Variants in ALMS1 observed in about 807,000 individuals in gnomAD.
The protein encoded by ALMS1 is ALMS1 centrosome and basal body associated protein, also known as centrosome-associated protein ALMS1.
In ALMS1, 271 loss-of-function variants were observed where a neutral mutation model predicts 352.2. The ratio of observed to expected loss-of-function variants is 0.77; its 90% CI spans 0.70 to 0.85. ALMS1 has a LOEUF of 0.85. Among genes scored for constraint, ALMS1 ranks in the 40% least tolerant of loss-of-function variants. The pLI is 0.00. For synonymous variants in ALMS1, 1,865 were observed against 1,761.2 expected (o/e 1.06, Z -1.48); for missense variants, 5,445 against 4,870.7 (o/e 1.12, Z -3.51).
At chr2:73,430,337 G>A (rs1025957408) in intron 6 of ALMS1, among the ~76,000 whole-genome samples, 14 of 152,046 alleles carry the variant, frequency 9.2e-5, no homozygotes, top group African/African-American at 1.9e-4. Context: ...CGGCCTCCCA[G>A]AGTGCTGGGA....
At chr2:73,514,870 G>A (rs190639440) in intron 10 of ALMS1, among the ~76,000 whole-genome samples, 17 of 152,228 alleles carry the variant, frequency 1.1e-4, no homozygotes, top group African/African-American at 3.8e-4. Flanking sequence ...GCCAAGTGTC[G>A]TTCTTATTTT....
chr2:73,520,133 G>T, intron 11 of ALMS1, 117 bp downstream of exon 11: 1 of 1,305,052 alleles, frequency 7.7e-7, no homozygotes, highest in Non-Finnish European at 1.1e-6. Context: ...AAGAATTAGG[G>T]TCCATATGAT....
intron 10 of ALMS1, among the ~76,000 whole-genome samples, chr2:73,500,815 C>G (rs1221025542): frequency 6.6e-6 from 1 of 152,146 alleles, no homozygotes; most frequent in Non-Finnish European, 1.5e-5. Flanking sequence ...GATCTTCAAT[C>G]TGCCTGCTTC....
chr2:73,489,320 T>C (rs1466919371), intron 9 of ALMS1, among the ~76,000 whole-genome samples: 1 of 152,212 alleles, frequency 6.6e-6, no homozygotes, highest in Non-Finnish European at 1.5e-5. Flanking sequence ...AGCAAAAATT[T>C]GAGTAAGGCA....
intron 16 of ALMS1, among the ~76,000 whole-genome samples, chr2:73,584,189 A>G (rs1675259904): frequency 6.6e-6 from 1 of 152,078 alleles, no homozygotes; most frequent in South Asian, 2.1e-4. Flanking sequence ...CTTCCCACCT[A>G]TCCCCCACAT....
intron 10 of ALMS1, among the ~76,000 whole-genome samples, chr2:73,508,413 G>T (rs1673381906): frequency 6.6e-6 from 1 of 151,842 alleles, no homozygotes; most frequent in Non-Finnish European, 1.5e-5. Flanking sequence ...CACTGTGTTA[G>T]TCAGGATGGT....
intron 9 of ALMS1, among the ~76,000 whole-genome samples, chr2:73,474,671 A>C (rs934208901): frequency 1.3e-5 from 2 of 152,096 alleles, no homozygotes; most frequent in Admixed American, 6.6e-5. Flanking sequence ...ATGAGAGAAT[A>C]ATATAACCTG....
intron 9 of ALMS1, among the ~76,000 whole-genome samples, chr2:73,479,888 G>A (rs1167731237): frequency 6.6e-6 from 1 of 151,996 alleles, no homozygotes; most frequent in Non-Finnish European, 1.5e-5. Context: ...ATTTGATACT[G>A]TCACTATTTT....
Position 73,573,718 on chromosome 2 carries a change from A to G in ALMS1, c.11547+294A>G, listed in dbSNP as rs141813111. ...GAGCTTTGAGGTTAGAATGATCTCT[A>G]TCCTGAACAATATTGCTGGGTTTAT... is the stretch of plus-strand genomic sequence containing the variant. On this transcript the variant is annotated intron_variant, in intron 16 of 22. Coordinates refer to ENST00000613296, the MANE Select transcript of ALMS1 (RefSeq NM_001378454.1). 1.7e-3 allele frequency: 1,004 copies of G among 582,776 alleles called. 1 individual carries two copies. Among genetic ancestry groups the G allele is most frequent in the Middle Eastern group, 2.7e-3 (6 of 2,208 alleles). The allele number at this position is 582,776 out of a possible 1,614,324, so 36.1% of individuals were successfully genotyped here. A position where few individuals can be genotyped will look rare whatever the true frequency, so the allele number is the denominator to read the frequency against.
chr2:73,595,647 C>A (rs902081193), intron 16 of ALMS1, among the ~76,000 whole-genome samples: 1 of 152,114 alleles, frequency 6.6e-6, no homozygotes, highest in African/African-American at 2.4e-5. Flanking sequence ...TGGGTTTTTA[C>A]TCAGGAGTGA....
intron 9 of ALMS1, chr2:73,458,455 A>G (rs574336238): frequency 3.3e-5 from 5 of 152,316 alleles, no homozygotes; most frequent in Admixed American, 2.6e-4. Flanking sequence ...AGGACACACC[A>G]CTGAACAAAA....
At chr2:73,542,467 C>G (rs552204510) in intron 12 of ALMS1, among the ~76,000 whole-genome samples, 35 of 152,170 alleles carry the variant, frequency 2.3e-4, no homozygotes, top group African/African-American at 8.4e-4. Flanking sequence ...ACAGGGATGC[C>G]CTCTCTCACC....
At chr2:73,427,420 A>AT (rs1276494622) in intron 6 of ALMS1, among the ~76,000 whole-genome samples, 2 of 152,012 alleles carry the variant, frequency 1.3e-5, no homozygotes, top group Non-Finnish European at 2.9e-5. Context: ...CTCTCTATTT[A>AT]TATCATTATT....
At chr2:73,551,145 C>T (rs1027603346) in intron 13 of ALMS1, among the ~76,000 whole-genome samples, 1 of 152,160 alleles carries the variant, frequency 6.6e-6, no homozygotes, top group South Asian at 2.1e-4. Context: ...AGGCATGAAC[C>T]ACCGCATCCA....
intron 15 of ALMS1, among the ~76,000 whole-genome samples, chr2:73,562,141 T>TTGTATGTA (rs3076386): frequency 6.1e-4 from 93 of 151,328 alleles, no homozygotes; most frequent in Middle Eastern, 3.4e-3. Context: ...GAACTTACAA[T>TTGTATGTA]TGTATGTATG....
chr2:73,448,576 G>A lies in ALMS1; in HGVS notation c.2049G>A (p.Leu683=), dbSNP rs1572931934. ...EDLLFFYRQT[L]PDGHLTDQAL... is the part of the protein sequence containing the mutation. ...TCCTCTTTTTCTATCGACAGACCTT[G>A]CCAGATGGTCATCTAACTGATCAGG... is the stretch of plus-strand genomic sequence containing the variant. The change falls in exon 8 of 23, where the codon TTG becomes TTA. Residue 683 remains leucine (L), a synonymous_variant. Transcript: ENST00000613296. 2.5e-6 allele frequency: 4 copies of A among 1,613,572 alleles called. No individual in the cohort carries two copies. The highest frequency in any genetic ancestry group is 1.3e-5 in the African/African-American group (1 of 74,798).
At chr2:73,425,499 C>T (rs1402269757) in intron 5 of ALMS1, among the ~76,000 whole-genome samples, 1 of 152,062 alleles carries the variant, frequency 6.6e-6, no homozygotes, top group African/African-American at 2.4e-5. Context: ...GATATCAGAA[C>T]AACTGTATTT....
chr2:73,391,634 C>T (rs1194258004), intron 1 of ALMS1, among the ~76,000 whole-genome samples: 3 of 152,006 alleles, frequency 2.0e-5, no homozygotes, highest in Admixed American at 2.0e-4. Flanking sequence ...GTTTTGTGTT[C>T]CTAGGGTAAA....
At chr2:73,528,894 C>T (rs2103980019) in intron 11 of ALMS1, among the ~76,000 whole-genome samples, 1 of 152,074 alleles carries the variant, frequency 6.6e-6, no homozygotes, top group Non-Finnish European at 1.5e-5. Context: ...GAGTCTGATG[C>T]ATTCTTTAGT....
Sources: allele counts gnomAD v4.1 joint callset (sites outside exome capture counted in the v4.1 genomes callset), GRCh38; gene constraint gnomAD v4.1.1; transcripts MANE v1.5; gene names NCBI Gene and HGNC (gene_info 2026-07-23, HGNC 2026-07-21).